The following PPARGC1A variants were observed in gnomAD, a reference collection of about 807,000 sequenced individuals.
PPARGC1A encodes the protein peroxisome proliferator-activated receptor gamma coactivator 1-alpha.
Under a neutral mutation model 88.7 loss-of-function variants are expected in PPARGC1A, and 25 were observed. The ratio of observed to expected loss-of-function variants is 0.28; its 90% CI spans 0.21 to 0.39. The LOEUF (loss-of-function observed/expected upper bound fraction) is 0.39, where lower values mean the gene tolerates loss of function less well. Among genes scored for constraint, PPARGC1A ranks in the 10% least tolerant of loss-of-function variants. PPARGC1A has a pLI of 1.00. For synonymous variants in PPARGC1A, 363 were observed against 355.6 expected, an observed-to-expected ratio of 1.02 and a Z score of -0.24; for missense variants, 880 against 968.7, an observed-to-expected ratio of 0.91 and a Z score of 1.22.
chr4:24,394,736 A>T, the PPARGC1A span, among the ~76,000 whole-genome samples: 12 of 152,212 alleles, frequency 7.9e-5, no homozygotes, highest in African/African-American at 2.9e-4. Flanking sequence ...ATCAATTGTG[A>T]GATGCACCAT....
chr4:24,008,304 A>G, the PPARGC1A span, among the ~76,000 whole-genome samples: 1 of 152,186 alleles, frequency 6.6e-6, no homozygotes, highest in Non-Finnish European at 1.5e-5. Context: ...CCTGAAGAAA[A>G]AGAGCTCTTT....
the PPARGC1A span, among the ~76,000 whole-genome samples, chr4:24,025,950 A>G: frequency 6.6e-6 from 1 of 152,176 alleles, no homozygotes; most frequent in South Asian, 2.1e-4. Flanking sequence ...GAATCTTATG[A>G]GTTATAAATC....
At chr4:24,202,142 C>T in the PPARGC1A span, among the ~76,000 whole-genome samples, 4 of 152,012 alleles carry the variant, frequency 2.6e-5, no homozygotes, top group Admixed American at 6.6e-5. Flanking sequence ...CCTTCCAAAC[C>T]GCTGGGATTG....
chr4:24,015,053 A>G, the PPARGC1A span, among the ~76,000 whole-genome samples: 1 of 152,262 alleles, frequency 6.6e-6, no homozygotes, highest in South Asian at 2.1e-4. Context: ...GAAACAAGGA[A>G]AAATGGGTGG....
At chr4:23,850,989 A>G (rs1029345794) in intron 2 of PPARGC1A, among the ~76,000 whole-genome samples, 4 of 152,192 alleles carry the variant, frequency 2.6e-5, no homozygotes, top group Non-Finnish European at 5.9e-5. Flanking sequence ...AAAGTAGCTC[A>G]CTGAATATTC....
chr4:24,394,929 A>C, the PPARGC1A span, among the ~76,000 whole-genome samples: 2 of 152,204 alleles, frequency 1.3e-5, no homozygotes, highest in African/African-American at 4.8e-5. Context: ...CTTGGGAGTT[A>C]ATTGGTTTTC....
chr4:24,064,883 G>A, the PPARGC1A span, among the ~76,000 whole-genome samples: 2 of 152,032 alleles, frequency 1.3e-5, no homozygotes, highest in Non-Finnish European at 2.9e-5. Context: ...TACAATCCAG[G>A]TTAGTGGATG....
the PPARGC1A span, among the ~76,000 whole-genome samples, chr4:24,191,891 A>C: frequency 6.6e-6 from 1 of 152,334 alleles, no homozygotes; most frequent in Middle Eastern, 3.4e-3. Flanking sequence ...GGAGTGAGAA[A>C]GAAGCAAAAA....
the PPARGC1A span, among the ~76,000 whole-genome samples, chr4:24,229,152 C>CTTTT: frequency 3.0e-4 from 18 of 60,922 alleles, 2 homozygotes; most frequent in East Asian, 1.1e-3. Context: ...GTATCTGGAC[C>CTTTT]TTTTTTTTTT....
chr4:24,255,516 A>G, the PPARGC1A span, among the ~76,000 whole-genome samples: 5 of 152,168 alleles, frequency 3.3e-5, no homozygotes, highest in African/African-American at 1.2e-4. Context: ...CTTTCCATCT[A>G]AGAATCACCA....
At chr4:24,250,693 G>C in the PPARGC1A span, among the ~76,000 whole-genome samples, 6 of 152,176 alleles carry the variant, frequency 3.9e-5, no homozygotes, top group South Asian at 1.2e-3. Context: ...ACAGGTCTCA[G>C]GCTGGCCATT....
At chr4:24,153,969 GGAC>G in the PPARGC1A span, among the ~76,000 whole-genome samples, 20 of 152,236 alleles carry the variant, frequency 1.3e-4, no homozygotes, top group African/African-American at 4.8e-4. Flanking sequence ...AGAGAGTACA[GGAC>G]AAATTGTCTC....
At chr4:23,837,528 A>C (rs1276830700) in intron 2 of PPARGC1A, among the ~76,000 whole-genome samples, 1 of 152,176 alleles carries the variant, frequency 6.6e-6, no homozygotes, top group Non-Finnish European at 1.5e-5. Flanking sequence ...ACAGACGTTT[A>C]GCACTGGGCC....
At chr4:23,912,751 A>C in the PPARGC1A span, among the ~76,000 whole-genome samples, 46 of 151,284 alleles carry the variant, frequency 3.0e-4, no homozygotes, top group Admixed American at 7.9e-4. Flanking sequence ...TGCCCTACCA[A>C]TTGTAGCCTT....
At chr4:24,248,514 G>A in the PPARGC1A span, among the ~76,000 whole-genome samples, 1 of 152,048 alleles carries the variant, frequency 6.6e-6, no homozygotes. Flanking sequence ...TTATCAGCAA[G>A]CTTTGTGCAA....
chr4:23,864,787 G>T (rs779038436), intron 2 of PPARGC1A, among the ~76,000 whole-genome samples: 1 of 152,202 alleles, frequency 6.6e-6, no homozygotes, highest in Non-Finnish European at 1.5e-5. Context: ...TTAACAGCCC[G>T]TCTTAAAGGG....
At chr4:24,271,783 A>T in the PPARGC1A span, among the ~76,000 whole-genome samples, 5 of 152,266 alleles carry the variant, frequency 3.3e-5, no homozygotes, top group Non-Finnish European at 7.4e-5. Flanking sequence ...CCTACCTTGG[A>T]GGGGTATTGT....
chr4:23,947,376 TATATATATATATATATATATAAAAA>T, the PPARGC1A span, among the ~76,000 whole-genome samples: 1 of 25,324 alleles, frequency 3.9e-5, no homozygotes, highest in African/African-American at 1.4e-4. Flanking sequence ...TATATATATA[TATATATATATATATATATATAAAAA>T]AAACGGTGAT....
chr4:24,015,269 TAGAGATAGAG>T, the PPARGC1A span, among the ~76,000 whole-genome samples: 4 of 152,124 alleles, frequency 2.6e-5, no homozygotes, highest in South Asian at 8.3e-4. Context: ...ATAGATGAGA[TAGAGATAGAG>T]ATAGAGATAG....
Sources: gnomAD v4.1 joint callset for allele counts (sites outside exome capture counted in the v4.1 genomes callset) on GRCh38, gnomAD v4.1.1 for gene constraint, MANE v1.5 for transcripts, NCBI Gene and HGNC (gene_info 2026-07-23, HGNC 2026-07-21) for gene names.